ATP6V1C2: variants seen among roughly 807,000 people sequenced by gnomAD.
ATP6V1C2 encodes the protein V-type proton ATPase subunit C 2.
ATP6V1C2 carries 45 observed loss-of-function variants against 56.8 expected under a neutral mutation model. The ratio of observed to expected loss-of-function variants is 0.79; its 90% CI spans 0.62 to 1.02. ATP6V1C2 has a LOEUF of 1.02. ATP6V1C2 is among the 50% of genes least tolerant of loss of function. The probability of loss-of-function intolerance (pLI) is 0.00; values close to 1 mark genes in which losing one functional copy is unlikely to be tolerated. For synonymous variants in ATP6V1C2, 220 were observed against 201.3 expected (o/e 1.09, Z -0.79); for missense variants, 463 against 519.7 (o/e 0.89, Z 1.06).
In ATP6V1C2 at chr2:10,785,050, A is replaced by AACAC. The variant is rs762790761; in HGVS notation, c.*1797_*1800dup. 6.8e-7 allele frequency: 1 copy of AACAC among 1,460,988 alleles called. No individual in the cohort carries two copies. Among genetic ancestry groups the AACAC allele is most frequent in the East Asian group, 2.4e-5 (1 of 41,226 alleles). The allele number at this position is 1,460,988 out of a possible 1,614,324, so 90.5% of individuals were successfully genotyped here. A position where few individuals can be genotyped will look rare whatever the true frequency, so the allele number is the denominator to read the frequency against. ...AGCTCCCTTAGGGAAAAATGACCAA[A>AACAC]ACACACACACACATTTACAATGGAC... On this transcript the variant is annotated 3_prime_UTR_variant, in exon 14 of 14. Coordinates refer to ENST00000272238, the MANE Select transcript of ATP6V1C2 (RefSeq NM_001039362.2).
chr2:10,740,087 CA>C lies in ATP6V1C2; in HGVS notation c.197+13534del, dbSNP rs70953339. 6.0e-3 allele frequency among the ~76,000 whole-genome samples: 626 copies of C among 103,744 alleles called. 7 individuals are homozygous for C. Among genetic ancestry groups the C allele is most frequent in the African/African-American group, 0.022 (539 of 24,152 alleles). The allele number at this position is 103,744 out of a possible 152,430, so 68.1% of individuals were successfully genotyped here. A position where few individuals can be genotyped will look rare whatever the true frequency, so the allele number is the denominator to read the frequency against. ...TGAGTGACAGAGTGAGACTCCATCTCAAAAAAAAAAAAAAAAGAAAAGAAAG... is the reference window on the plus strand; with the variant it reads ...TGAGTGACAGAGTGAGACTCCATCTCAAAAAAAAAAAAAAAGAAAAGAAAG... On this transcript the variant is annotated intron_variant, in intron 3 of 13. Transcript: ENST00000272238.
At chr2:10,735,817 G>A (rs1662218001) in intron 3 of ATP6V1C2, among the ~76,000 whole-genome samples, 1 of 151,796 alleles carries the variant, frequency 6.6e-6, no homozygotes, top group Non-Finnish European at 1.5e-5. Flanking sequence ...CAAACTCCTG[G>A]GCTCAAATGA....
intron 3 of ATP6V1C2, among the ~76,000 whole-genome samples, chr2:10,737,267 AAAAAAAAAAAAG>A (rs1662301700): frequency 2.0e-5 from 3 of 150,716 alleles, no homozygotes; most frequent in African/African-American, 7.3e-5. Context: ...ATACAAAAAA[AAAAAAAAAAAAG>A]ATTAACCAGG....
chr2:10,726,539 A>G lies in ATP6V1C2; in HGVS notation c.167A>G (p.Glu56Gly). The G allele has an allele frequency of 6.2e-7, 1 of 1,613,946 alleles. No homozygotes were observed. Among genetic ancestry groups the G allele is most frequent in the Non-Finnish European group, 8.5e-7 (1 of 1,179,892 alleles). The part of the protein sequence containing the change: ...TLDSLVGLSD[E>G]LGKLDTFAES... ...GATTCCCTGGTTGGCCTCTCTGATG[A>G]GTTGGGGAAACTCGACACCTTTGCT... Residue 56 changes from glutamate to glycine, a missense_variant, in exon 3 of 14, where the codon GAG becomes GGG. Coordinates refer to ENST00000272238, the MANE Select transcript of ATP6V1C2 (RefSeq NM_001039362.2).
At chr2:10,744,986 G>T (rs1457890808) in intron 3 of ATP6V1C2, among the ~76,000 whole-genome samples, 1 of 145,830 alleles carries the variant, frequency 6.9e-6, no homozygotes, top group Non-Finnish European at 1.5e-5. Flanking sequence ...AAGAATATGG[G>T]TTTATTACTT....
chr2:10,761,812 C>G (rs1558410946), intron 4 of ATP6V1C2, among the ~76,000 whole-genome samples: 1 of 152,232 alleles, frequency 6.6e-6, no homozygotes, highest in Non-Finnish European at 1.5e-5. Flanking sequence ...CTCAGAGGTA[C>G]TCTCGTCAAC....
intron 3 of ATP6V1C2, among the ~76,000 whole-genome samples, chr2:10,746,280 G>A (rs892443624): frequency 6.6e-6 from 1 of 152,166 alleles, no homozygotes; most frequent in African/African-American, 2.4e-5. Flanking sequence ...GATTACAGGT[G>A]TGAGCCACTG....
intron 6 of ATP6V1C2, among the ~76,000 whole-genome samples, chr2:10,771,290 C>T (rs1440652011): frequency 6.6e-6 from 1 of 152,172 alleles, no homozygotes; most frequent in Non-Finnish European, 1.5e-5. Flanking sequence ...ATCCGACAGC[C>T]TTGATCCATG....
At chr2:10,782,473 G>T in intron 13 of ATP6V1C2, 98 bp downstream of exon 13, 1 of 1,396,012 alleles carries the variant, frequency 7.2e-7, no homozygotes. Context: ...TGGGAGGTAG[G>T]TGGATCACTT....
At chr2:10,773,329 G>T (rs1180376033) in intron 8 of ATP6V1C2, among the ~76,000 whole-genome samples, 1 of 152,174 alleles carries the variant, frequency 6.6e-6, no homozygotes, top group Non-Finnish European at 1.5e-5. Flanking sequence ...TGGGGTAGGG[G>T]CATGTGGGCT....
At chr2:10,743,228 AC>A in intron 3 of ATP6V1C2, among the ~76,000 whole-genome samples, 1 of 152,136 alleles carries the variant, frequency 6.6e-6, no homozygotes, top group South Asian at 2.1e-4. Flanking sequence ...TGCTGGGACT[AC>A]AGGCACACCC....
chr2:10,775,019 A>T lies in ATP6V1C2; in HGVS notation c.773A>T (p.Glu258Val), dbSNP rs149903295. 213 of 1,614,132 alleles carry T rather than the reference A, an allele frequency of 1.3e-4. No homozygotes were observed. The highest frequency in any genetic ancestry group is 1.3e-4 in the Non-Finnish European group (155 of 1,180,028). ...TTTTACTATGATGAGAAGGAAATTGAAAGGGAAAGGGAGGAGATGGCCAGA... is the reference window on the plus strand; with the variant it reads ...TTTTACTATGATGAGAAGGAAATTGTAAGGGAAAGGGAGGAGATGGCCAGA... The part of the protein sequence containing the change: ...REFYYDEKEI[E>V]REREEMARLL... Residue 258 changes from glutamate to valine, a missense_variant, in exon 10 of 14, where the codon GAA becomes GTA. Glu to Val is a moderately radical substitution (Grantham distance 121). Transcript: ENST00000272238.
At chr2:10,746,997 G>A (rs575581519) in intron 3 of ATP6V1C2, among the ~76,000 whole-genome samples, 14 of 152,162 alleles carry the variant, frequency 9.2e-5, no homozygotes, top group Non-Finnish European at 1.6e-4. Context: ...AGCCAGGTGC[G>A]GTGGCTTGCG....
Position 10,721,718 on chromosome 2 carries a change from C to A in ATP6V1C2, c.-40C>A. 6.6e-6 allele frequency: 1 copy of A among 152,014 alleles called. No individual in the cohort carries two copies. The highest frequency in any genetic ancestry group is 2.0e-4 in the South Asian group (1 of 5,004). The allele number at this position is 152,014 out of a possible 1,614,324, so 9.4% of individuals were successfully genotyped here. ...CAGCCCCCTACCGCGCGGCCCGCGC[C>A]CCGCCGGCTCCCGGTAAGGACGCAC... is the stretch of plus-strand genomic sequence containing the variant. On this transcript the variant is annotated 5_prime_UTR_variant, in exon 1 of 14. Coordinates refer to ENST00000272238, the MANE Select transcript of ATP6V1C2 (RefSeq NM_001039362.2).
chr2:10,750,095 A>C (rs1663126896), intron 3 of ATP6V1C2, among the ~76,000 whole-genome samples: 1 of 152,248 alleles, frequency 6.6e-6, no homozygotes, highest in African/African-American at 2.4e-5. Context: ...GATCACAGCT[A>C]AGTCAGGGCT....
chr2:10,780,550 G>C lies in ATP6V1C2; in HGVS notation c.1062-1693G>C, dbSNP rs1665283673. 6.6e-6 allele frequency among the ~76,000 whole-genome samples: 1 copy of C among 152,220 alleles called. No homozygotes were observed. The highest frequency in any genetic ancestry group is 1.5e-5 in the Non-Finnish European group (1 of 68,048). On this transcript the variant is annotated intron_variant, in intron 12 of 13. Coordinates refer to ENST00000272238, the MANE Select transcript of ATP6V1C2 (RefSeq NM_001039362.2). This position sits in a 1 kb window ranked among gnomAD's most constrained non-coding sequence, Gnocchi z 4.1. ...CTGTACCGACACGGATGGCAGCATT[G>C]GGTTGGAGGGTGTACCCAGCTCCTG... is the stretch of plus-strand genomic sequence containing the variant.
chr2:10,723,285 G>A (rs1307643305), intron 2 of ATP6V1C2, among the ~76,000 whole-genome samples: 2 of 152,194 alleles, frequency 1.3e-5, no homozygotes, highest in African/African-American at 4.8e-5. Flanking sequence ...GCACACTCAG[G>A]TTCTCTTGGG....
In ATP6V1C2 at chr2:10,783,215, C is replaced by CTATT. The variant is rs1358737157; in HGVS notation, c.1238_1241dup (p.Phe414LeufsTer10). ...CGGGACTGCAACTCAATAACCAAGA[C>CTATT]TATTTTCCTTATGTCTACTTCCATA... On this transcript the variant is annotated frameshift_variant, in exon 14 of 14. Coordinates refer to ENST00000272238, the MANE Select transcript of ATP6V1C2 (RefSeq NM_001039362.2). LOFTEE classifies it high-confidence loss of function. The CTATT allele has an allele frequency of 6.2e-7, 1 of 1,613,982 alleles. No homozygotes were observed. Among genetic ancestry groups the CTATT allele is most frequent in the Admixed American group, 1.7e-5 (1 of 60,024 alleles).
At chr2:10,724,440 C>A (rs980476394) in intron 2 of ATP6V1C2, among the ~76,000 whole-genome samples, 2 of 152,132 alleles carry the variant, frequency 1.3e-5, no homozygotes, top group African/African-American at 2.4e-5. Flanking sequence ...TCTGAAACCA[C>A]ATCTTGCTGC....
Sources: allele counts gnomAD v4.1 joint callset (sites outside exome capture counted in the v4.1 genomes callset), GRCh38; gene constraint gnomAD v4.1.1; non-coding constraint Gnocchi (gnomAD v3.1); transcripts MANE v1.5; gene names NCBI Gene and HGNC (gene_info 2026-07-23, HGNC 2026-07-21).